Variants in LRMDA observed in about 807,000 individuals in gnomAD.
LRMDA encodes the protein leucine rich melanocyte differentiation associated.
In LRMDA, 18 loss-of-function variants were observed where a neutral mutation model predicts 29.8. That is an observed-to-expected ratio of 0.60 (90% CI 0.42 to 0.90). The LOEUF (loss-of-function observed/expected upper bound fraction) is 0.90, where lower values mean the gene tolerates loss of function less well. Ranked by LOEUF, LRMDA falls within the 40% of genes least tolerant of loss-of-function variation. The pLI is 0.00. For missense variants in LRMDA, 273 were observed against 273.9 expected (o/e 1.00, Z 0.02); for synonymous variants, 125 against 109.4 (o/e 1.14, Z -0.89).
At chr10:75,747,565 A>G (rs1437904010) in intron 2 of LRMDA, among the ~76,000 whole-genome samples, 2 of 152,228 alleles carry the variant, frequency 1.3e-5, no homozygotes, top group Non-Finnish European at 2.9e-5. Flanking sequence ...TGGTGAGACC[A>G]CTATCTTTGG....
At chr10:76,136,960 A>G (rs1850106958) in intron 5 of LRMDA, among the ~76,000 whole-genome samples, 2 of 152,318 alleles carry the variant, frequency 1.3e-5, no homozygotes, top group Non-Finnish European at 2.9e-5. Context: ...AACACCAAAA[A>G]GCTGCATTTA....
Position 76,065,035 on chromosome 10 carries a change from GT to G in LRMDA, c.516+6260del, listed in dbSNP as rs1012493197. On this transcript the variant is annotated intron_variant, in intron 5 of 6. Coordinates refer to ENST00000611255, the MANE Select transcript of LRMDA (RefSeq NM_001305581.2). ...AGAGAGGAAAATTTTTTAATTAACT[GT>G]TTTTTTTAAGAAAATGCTTAGATGG... Among the ~76,000 whole-genome samples, 9 of 151,402 alleles carry G rather than the reference GT, an allele frequency of 5.9e-5. No homozygotes were observed. In the South Asian group the frequency reaches 6.3e-4, roughly 11 times the overall value.
intron 2 of LRMDA, among the ~76,000 whole-genome samples, chr10:76,003,060 C>T (rs532977322): frequency 9.9e-5 from 15 of 152,098 alleles, no homozygotes; most frequent in African/African-American, 3.1e-4. Flanking sequence ...GGAGGTGGGG[C>T]GTTGGTATTT....
chr10:75,722,509 A>G (rs1842580640), intron 2 of LRMDA, among the ~76,000 whole-genome samples: 1 of 152,134 alleles, frequency 6.6e-6, no homozygotes, highest in African/African-American at 2.4e-5. Context: ...ACTCCCCAGC[A>G]AGTCTACCAG....
intron 2 of LRMDA, among the ~76,000 whole-genome samples, chr10:75,856,416 T>C (rs151013974): frequency 0.026 from 3,981 of 152,224 alleles, 161 homozygotes; most frequent in African/African-American, 0.088. Flanking sequence ...TGATGAACAT[T>C]GATGCAAAAA....
chr10:76,376,865 C>G lies in LRMDA; in HGVS notation c.601+52380C>G, dbSNP rs75237086. Among the ~76,000 whole-genome samples, 10 of 47,374 alleles carry G rather than the reference C, an allele frequency of 2.1e-4. 4 individuals carry two copies. The highest frequency in any genetic ancestry group is 5.3e-4 in the African/African-American group (6 of 11,416). The allele number at this position is 47,374 out of a possible 152,430, so 31.1% of individuals were successfully genotyped here. On this transcript the variant is annotated intron_variant, in intron 6 of 6. Transcript: ENST00000611255. ...AAATGTTTGTTGGGCACTTGGAAGT[C>G]TTTTTTTTTTTTTTTTTTTTTTTTT...
chr10:75,730,998 A>G (rs1008056314), intron 2 of LRMDA, among the ~76,000 whole-genome samples: 5 of 152,196 alleles, frequency 3.3e-5, no homozygotes, highest in African/African-American at 1.2e-4. Flanking sequence ...CTTCTGAAGT[A>G]ATCTGATAAC....
intron 6 of LRMDA, among the ~76,000 whole-genome samples, chr10:76,450,346 CCT>C (rs754310017): frequency 3.4e-4 from 52 of 152,124 alleles, no homozygotes; most frequent in South Asian, 1.5e-3. Context: ...AGCTCTCATT[CCT>C]CTTTTCATTT....
At chr10:75,431,812 C>A in intron 1 of LRMDA, 58 bp downstream of exon 1, 1 of 1,292,108 alleles carries the variant, frequency 7.7e-7, no homozygotes, top group South Asian at 2.5e-5. Context: ...GGAGGGACAG[C>A]GGGGCACAGA....
At chr10:75,476,780 A>G (rs181739758) in intron 2 of LRMDA, among the ~76,000 whole-genome samples, 122 of 152,276 alleles carry the variant, frequency 8.0e-4, no homozygotes, top group Middle Eastern at 3.4e-3. Flanking sequence ...GTAACAAAAT[A>G]CCACAGACTT....
At chr10:75,635,706 C>T (rs530481895) in intron 2 of LRMDA, among the ~76,000 whole-genome samples, 16 of 152,106 alleles carry the variant, frequency 1.1e-4, no homozygotes, top group Admixed American at 3.3e-4. Context: ...TAAAAGGATG[C>T]CCACACTTAT....
intron 2 of LRMDA, among the ~76,000 whole-genome samples, chr10:75,814,811 A>G (rs970931801): frequency 6.6e-6 from 1 of 152,232 alleles, no homozygotes; most frequent in Non-Finnish European, 1.5e-5. Context: ...GGGAAGTGGG[A>G]TGTTACAGAG....
intron 2 of LRMDA, among the ~76,000 whole-genome samples, chr10:75,729,153 G>T (rs1000793859): frequency 3.3e-5 from 5 of 152,210 alleles, no homozygotes; most frequent in Admixed American, 6.5e-5. Context: ...CAGATAGAAA[G>T]CTGCTGTGAA....
chr10:75,958,962 G>A (rs971344560), intron 2 of LRMDA, among the ~76,000 whole-genome samples: 1 of 152,108 alleles, frequency 6.6e-6, no homozygotes, highest in Non-Finnish European at 1.5e-5. Context: ...TTACTACCGC[G>A]AGAACAGTAT....
chr10:75,835,465 A>C (rs560669366), intron 2 of LRMDA, among the ~76,000 whole-genome samples: 1 of 152,320 alleles, frequency 6.6e-6, no homozygotes, highest in African/African-American at 2.4e-5. Flanking sequence ...ACATTTGCAA[A>C]GTCCCTTTTT....
intron 6 of LRMDA, among the ~76,000 whole-genome samples, chr10:76,554,890 TGTGTGTG>T (rs1173952856): frequency 3.3e-5 from 5 of 150,872 alleles, no homozygotes; most frequent in Admixed American, 6.6e-5. Flanking sequence ...TGTGTGTGTG[TGTGTGTG>T]GTGTGTGTGT....
intron 2 of LRMDA, among the ~76,000 whole-genome samples, chr10:75,956,283 GGTTTT>G (rs1269263203): frequency 1.3e-5 from 2 of 152,148 alleles, no homozygotes; most frequent in Non-Finnish European, 2.9e-5. Context: ...TTCTGGAGAG[GGTTTT>G]GTTTTGTTTA....
At chr10:75,461,579 T>G (rs1262762824) in intron 2 of LRMDA, among the ~76,000 whole-genome samples, 1 of 151,820 alleles carries the variant, frequency 6.6e-6, no homozygotes, top group Non-Finnish European at 1.5e-5. Flanking sequence ...CTAGGGAGAG[T>G]CTAAGGGTTG....
intron 2 of LRMDA, among the ~76,000 whole-genome samples, chr10:75,516,486 G>T (rs1338869797): frequency 6.6e-6 from 1 of 152,130 alleles, no homozygotes; most frequent in Non-Finnish European, 1.5e-5. Flanking sequence ...GTGTCTGTTG[G>T]CTGCATAAAT....
Sources: allele counts gnomAD v4.1 joint callset (sites outside exome capture counted in the v4.1 genomes callset), GRCh38; gene constraint gnomAD v4.1.1; transcripts MANE v1.5; gene names NCBI Gene and HGNC (gene_info 2026-07-23, HGNC 2026-07-21).